Variants in EP400 observed in about 807,000 individuals in gnomAD.
EP400 encodes E1A-binding protein p400.
Under a neutral mutation model 354.1 loss-of-function variants are expected in EP400, and 105 were observed. That is an observed-to-expected ratio of 0.30 (90% confidence interval 0.25 to 0.35). The LOEUF is 0.35. Among genes scored for constraint, EP400 ranks in the 10% least tolerant of loss-of-function variants. The pLI, the probability that EP400 is intolerant of heterozygous loss-of-function variation, is 1.00. For synonymous variants in EP400, 1,646 were observed against 1,716.9 expected (o/e 0.96, Z 1.02); for missense variants, 3,280 against 4,121.0 (o/e 0.80, Z 5.59).
At chr12:132,039,396 C>T (rs762074716) in intron 32 of EP400, among the ~76,000 whole-genome samples, 2 of 152,056 alleles carry the variant, frequency 1.3e-5, no homozygotes, top group African/African-American at 2.4e-5. Flanking sequence ...GTGCAGGCCA[C>T]GGAGTGAGAG....
chr12:131,962,372 C>G (rs548551286), intron 2 of EP400, among the ~76,000 whole-genome samples: 2 of 152,292 alleles, frequency 1.3e-5, no homozygotes, highest in East Asian at 1.9e-4. Flanking sequence ...GTCTGGTTTT[C>G]CAAGTTTCAC....
chr12:131,992,060 C>A, intron 10 of EP400, 113 bp from the exon 11 acceptor site: 1 of 1,111,560 alleles, frequency 9.0e-7, no homozygotes, highest in East Asian at 2.3e-5. Flanking sequence ...TGAGGGCAGC[C>A]TAGCAGGCTT....
chr12:132,021,210 TC>T lies in EP400; in HGVS notation c.4581del (p.Thr1528ProfsTer40), dbSNP rs769089933. The T allele has an allele frequency of 6.3e-7, 1 of 1,598,090 alleles. No individual in the cohort carries two copies. Among genetic ancestry groups the T allele is most frequent in the Admixed American group, 1.7e-5 (1 of 59,820 alleles). ...KLRAQTTAQA[S>X]TPGQPPPQPQ... ...GCGGGCCCAGACCACAGCACAGGCCTCCACCCCAGGCCAGCCCCCGCCCCAG... is the reference window on the plus strand; with the variant it reads ...GCGGGCCCAGACCACAGCACAGGCCTCACCCCAGGCCAGCCCCCGCCCCAG... On this transcript the variant is annotated frameshift_variant, in exon 23 of 53. Coordinates refer to ENST00000389561, the MANE Select transcript of EP400 (RefSeq NM_015409.5). LOFTEE classifies it high-confidence loss of function.
intron 23 of EP400, among the ~76,000 whole-genome samples, chr12:132,021,711 C>T (rs1220847185): frequency 6.6e-6 from 1 of 152,250 alleles, no homozygotes; most frequent in Non-Finnish European, 1.5e-5. Context: ...GGGAAGGTCG[C>T]TTCCTTGCCA....
At chr12:132,065,123 TGAG>T in intron 48 of EP400, 1 of 727,082 alleles carries the variant, frequency 1.4e-6, no homozygotes, top group Non-Finnish European at 2.2e-6. Context: ...GGGCTTGAAT[TGAG>T]GGGGGTGGAG....
intron 3 of EP400, 68 bp from the exon 4 acceptor site, chr12:131,981,420 TG>T (rs1892677203): frequency 2.4e-5 from 30 of 1,274,150 alleles, no homozygotes; most frequent in African/African-American, 7.5e-5. Flanking sequence ...AAAACACACA[TG>T]TTTTTTTCTA....
intron 45 of EP400, among the ~76,000 whole-genome samples, chr12:132,060,739 A>AC (rs1429849372): frequency 1.3e-5 from 2 of 151,930 alleles, no homozygotes; most frequent in Admixed American, 6.6e-5. Flanking sequence ...ACATGGAGAA[A>AC]CCCCATCTCT....
rs371522316 is a variant in EP400, at chr12:132,011,651, CATAAA to C, written c.3441+23_3441+27del. 4.2e-3 allele frequency: 6,644 copies of C among 1,580,584 alleles called. 25 individuals are homozygous for C. The highest frequency in any genetic ancestry group is 0.014 in the South Asian group (1,167 of 84,790). Reference sequence around the variant, plus strand: ...AAGAGACAGGTATTTTTTTTTTAAACATAAAATAAAGCTAAACAGAAAGCCATGTT... The same window carrying C: ...AAGAGACAGGTATTTTTTTTTTAAACATAAAGCTAAACAGAAAGCCATGTT... On this transcript the variant is annotated intron_variant, in intron 16 of 52. Transcript: ENST00000389561.
intron 1 of EP400, among the ~76,000 whole-genome samples, chr12:131,951,630 C>G (rs972749707): frequency 6.6e-6 from 1 of 152,188 alleles, no homozygotes; most frequent in Non-Finnish European, 1.5e-5. Flanking sequence ...TAGACAGAGT[C>G]TCACTCTGTC....
intron 39 of EP400, among the ~76,000 whole-genome samples, chr12:132,048,449 C>T (rs1162606769): frequency 6.6e-6 from 1 of 151,542 alleles, no homozygotes; most frequent in Non-Finnish European, 1.5e-5. Context: ...ACAATATTGT[C>T]TTCTTTTATA....
intron 12 of EP400, among the ~76,000 whole-genome samples, chr12:132,004,255 T>C (rs1893509730): frequency 6.6e-6 from 1 of 152,232 alleles, no homozygotes; most frequent in South Asian, 2.1e-4. Flanking sequence ...TTAAGGTGGT[T>C]GATAATTTGG....
intron 3 of EP400, among the ~76,000 whole-genome samples, chr12:131,980,755 A>G (rs1892653707): frequency 6.6e-6 from 1 of 152,098 alleles, no homozygotes. Flanking sequence ...TGGTCCCACT[A>G]TGTTGCCCAG....
intron 51 of EP400, among the ~76,000 whole-genome samples, chr12:132,074,600 C>T (rs928191364): frequency 1.3e-5 from 2 of 152,160 alleles, no homozygotes; most frequent in Non-Finnish European, 2.9e-5. Flanking sequence ...TGTTTGTTTA[C>T]GTGTTGCCCC....
chr12:132,004,343 G>T (rs1053982873), intron 12 of EP400, among the ~76,000 whole-genome samples: 2 of 152,126 alleles, frequency 1.3e-5, no homozygotes, highest in Admixed American at 1.3e-4. Flanking sequence ...TTTTATGTAT[G>T]TAACAGCTTC....
chr12:131,965,005 T>A (rs1401966006), intron 2 of EP400, among the ~76,000 whole-genome samples: 1 of 152,274 alleles, frequency 6.6e-6, no homozygotes, highest in Non-Finnish European at 1.5e-5. Context: ...GGCCTGGGCC[T>A]GGGCGTTAAA....
intron 19 of EP400, among the ~76,000 whole-genome samples, chr12:132,016,627 C>T (rs1893943817): frequency 6.6e-6 from 1 of 152,204 alleles, no homozygotes; most frequent in Non-Finnish European, 1.5e-5. Flanking sequence ...CCACCTTGGC[C>T]TCCCAAAGTG....
intron 15 of EP400, among the ~76,000 whole-genome samples, chr12:132,008,632 G>A (rs1893663635): frequency 6.6e-6 from 1 of 150,956 alleles, no homozygotes; most frequent in Non-Finnish European, 1.5e-5. Context: ...CCAGGCCAGA[G>A]TGCACTGGTG....
intron 45 of EP400, among the ~76,000 whole-genome samples, chr12:132,060,149 C>T (rs11830243): frequency 0.24 from 37,072 of 151,994 alleles, 6,917 homozygotes; most frequent in African/African-American, 0.53. Context: ...ATTACCAAAA[C>T]TGGGGGAAAC....
At position 131,991,464 on chromosome 12, in the gene EP400, TG is replaced by T; in HGVS notation, c.2679+12del. 2 of 1,613,964 alleles carry T rather than the reference TG, an allele frequency of 1.2e-6. No homozygotes were observed. Among genetic ancestry groups the T allele is most frequent in the African/African-American group, 1.3e-5 (1 of 75,010 alleles). On this transcript the variant is annotated intron_variant, in intron 10 of 52. Transcript: ENST00000389561. ...TTACAGGAAAGTTCTCTGGTAAGTTTGGGGTTGTTACTGTGCTGTGTGAGAA... is the reference window on the plus strand; with the variant it reads ...TTACAGGAAAGTTCTCTGGTAAGTTTGGGTTGTTACTGTGCTGTGTGAGAA...
Sources: gnomAD v4.1 joint callset for allele counts (sites outside exome capture counted in the v4.1 genomes callset) on GRCh38, gnomAD v4.1.1 for gene constraint, MANE v1.5 for transcripts, NCBI Gene and HGNC (gene_info 2026-07-23, HGNC 2026-07-21) for gene names.